CUL5: variants seen among roughly 807,000 people sequenced by gnomAD.
CUL5 encodes cullin 5.
A neutral mutation model predicts 108.8 loss-of-function variants in CUL5; 26 were observed. That is an observed-to-expected ratio of 0.24 (90% confidence interval 0.18 to 0.33). The LOEUF is 0.33. Ranked by LOEUF, CUL5 falls within the 10% of genes least tolerant of loss-of-function variation. CUL5 has a pLI of 1.00. For synonymous variants in CUL5, 334 were observed against 298.0 expected (o/e 1.12, Z -1.25); for missense variants, 524 against 909.2 (o/e 0.58, Z 5.45).
intron 8 of CUL5, 128 bp from the exon 9 acceptor site, chr11:108,072,204 A>T (rs1315732670): frequency 2.8e-6 from 2 of 723,386 alleles, no homozygotes; most frequent in Non-Finnish European, 4.1e-6. Flanking sequence ...ACAACAAAAA[A>T]ACGAACAACT....
At chr11:108,029,115 C>G (rs1266005830) in intron 1 of CUL5, among the ~76,000 whole-genome samples, 1 of 152,220 alleles carries the variant, frequency 6.6e-6, no homozygotes, top group East Asian at 1.9e-4. Flanking sequence ...CCCCCATTGT[C>G]AACTCCCTGT....
At chr11:108,048,327 G>T (rs1267034462) in intron 3 of CUL5, among the ~76,000 whole-genome samples, 1 of 151,760 alleles carries the variant, frequency 6.6e-6, no homozygotes, top group African/African-American at 2.4e-5. Context: ...TGTTTTATTT[G>T]TTCACAATTC....
intron 3 of CUL5, 82 bp downstream of exon 3, chr11:108,046,451 C>T (rs1863068444): frequency 5.3e-6 from 4 of 751,450 alleles, no homozygotes; most frequent in Non-Finnish European, 6.3e-6. Flanking sequence ...AGTAGAACTT[C>T]TTGAAGTAAT....
At chr11:108,011,787 C>A in intron 1 of CUL5, among the ~76,000 whole-genome samples, 1 of 152,126 alleles carries the variant, frequency 6.6e-6, no homozygotes, top group South Asian at 2.1e-4. Flanking sequence ...GCCACCACGC[C>A]CAGCTAATTT....
At chr11:108,081,345 C>G (rs1272207198) in intron 11 of CUL5, among the ~76,000 whole-genome samples, 1 of 152,066 alleles carries the variant, frequency 6.6e-6, no homozygotes, top group Non-Finnish European at 1.5e-5. Context: ...AGTCATTGAT[C>G]CATTTTGAGT....
intron 7 of CUL5, among the ~76,000 whole-genome samples, chr11:108,057,752 G>A (rs552452440): frequency 4.6e-5 from 7 of 152,206 alleles, no homozygotes; most frequent in East Asian, 1.9e-4. Context: ...TGGAAAAACT[G>A]GTGAAATGAA....
chr11:108,072,727 ATGTT>A (rs1863855963), intron 9 of CUL5, among the ~76,000 whole-genome samples: 1 of 152,178 alleles, frequency 6.6e-6, no homozygotes, highest in African/African-American at 2.4e-5. Context: ...GAAATTATAA[ATGTT>A]TGAAGTGATG....
chr11:108,081,333 T>G (rs1338394514), intron 11 of CUL5, among the ~76,000 whole-genome samples: 1 of 152,146 alleles, frequency 6.6e-6, no homozygotes, highest in Non-Finnish European at 1.5e-5. Flanking sequence ...CTTTTACATT[T>G]AAGTCATTGA....
At chr11:108,078,341 A>G in intron 11 of CUL5, 101 bp downstream of exon 11, 1 of 540,066 alleles carries the variant, frequency 1.9e-6, no homozygotes, top group Non-Finnish European at 3.2e-6. Context: ...TATTTTTGTT[A>G]TTGTTAGTTT....
chr11:108,088,774 T>A, intron 12 of CUL5, 115 bp downstream of exon 12: 2 of 790,166 alleles, frequency 2.5e-6, no homozygotes, highest in Non-Finnish European at 3.7e-6. Context: ...TGTAAAGAAC[T>A]AATGTTACGA....
chr11:108,051,209 GA>G (rs553977941), intron 4 of CUL5, among the ~76,000 whole-genome samples: 19 of 148,082 alleles, frequency 1.3e-4, no homozygotes, highest in East Asian at 1.2e-3. Flanking sequence ...TGTGCCAAGG[GA>G]AAAAAAAAAG....
chr11:108,065,787 T>A (rs1337946911), intron 7 of CUL5, among the ~76,000 whole-genome samples: 2 of 152,326 alleles, frequency 1.3e-5, no homozygotes, highest in African/African-American at 2.4e-5. Context: ...TTTTTGGTTC[T>A]TATGAAGGTG....
chr11:108,055,029 C>A, intron 7 of CUL5, 74 bp downstream of exon 7: 1 of 1,030,462 alleles, frequency 9.7e-7, no homozygotes, highest in Non-Finnish European at 1.4e-6. Flanking sequence ...AAATAAACAA[C>A]ATAAATAATA....
At chr11:108,052,389 A>C (rs1274951426) in intron 4 of CUL5, among the ~76,000 whole-genome samples, 4 of 151,944 alleles carry the variant, frequency 2.6e-5, no homozygotes, top group Non-Finnish European at 5.9e-5. Context: ...GTCTCGGCTC[A>C]CTGGGACTAC....
chr11:108,057,079 T>A (rs1352315002), intron 7 of CUL5, among the ~76,000 whole-genome samples: 2 of 152,152 alleles, frequency 1.3e-5, no homozygotes, highest in Non-Finnish European at 1.5e-5. Context: ...CTACTGCAAT[T>A]TGTATGTTAG....
At chr11:108,014,339 G>A (rs1234367934) in intron 1 of CUL5, among the ~76,000 whole-genome samples, 4 of 152,126 alleles carry the variant, frequency 2.6e-5, no homozygotes, top group African/African-American at 7.2e-5. Flanking sequence ...TGTTCCTTGG[G>A]ATTGTTGCAG....
rs776277107 is a variant in CUL5 at position 108,068,514 on chromosome 11, TATAA to T, written c.781-1581_781-1578del. ...CATTTTTACAATGTAGGAAGAACAG[TATAA>T]TGAATCCCCATTACCTAAATTCAGC... On this transcript the variant is annotated intron_variant, in intron 7 of 18. Transcript: ENST00000393094. Among the ~76,000 whole-genome samples the T allele has an allele frequency of 3.2e-3, 491 of 152,238 alleles. 3 individuals carry two copies. Among genetic ancestry groups the T allele is most frequent in the Non-Finnish European group, 3.0e-3 (207 of 68,012 alleles).
At chr11:108,095,747 T>C (rs571295200) in intron 16 of CUL5, 56 bp downstream of exon 16, 11 of 1,404,836 alleles carry the variant, frequency 7.8e-6, no homozygotes, top group Middle Eastern at 1.8e-4. Flanking sequence ...GCAGGAAATA[T>C]ATGATTGGCT....
intron 7 of CUL5, among the ~76,000 whole-genome samples, chr11:108,062,638 T>G (rs576319705): frequency 1.3e-5 from 2 of 151,740 alleles, no homozygotes; most frequent in Non-Finnish European, 2.9e-5. Context: ...ATGGGTTACA[T>G]GAGACATTTT....
Sources: gnomAD v4.1 joint callset for allele counts (sites outside exome capture counted in the v4.1 genomes callset) on GRCh38, gnomAD v4.1.1 for gene constraint, MANE v1.5 for transcripts, NCBI Gene and HGNC (gene_info 2026-07-23, HGNC 2026-07-21) for gene names.